SBNO1: variants seen among roughly 807,000 people sequenced by gnomAD.
SBNO1 encodes the protein protein strawberry notch homolog 1.
Under a neutral mutation model 173.6 loss-of-function variants are expected in SBNO1, and 23 were observed. That is an observed-to-expected ratio of 0.13 (90% confidence interval 0.10 to 0.19). The LOEUF is 0.19. Among genes scored for constraint, SBNO1 ranks in the 10% least tolerant of loss-of-function variants. The pLI is 1.00. For synonymous variants in SBNO1, 632 were observed against 571.5 expected, an observed-to-expected ratio of 1.11 and a Z score of -1.51; for missense variants, 1,238 against 1,671.2, an observed-to-expected ratio of 0.74 and a Z score of 4.52.
In SBNO1 at chr12:123,364,804, G is replaced by A. The variant is rs571755603; in HGVS notation, c.-104C>T. On this transcript the variant is annotated 5_prime_UTR_variant, in exon 1 of 32. Transcript: ENST00000602398. ...GGCGGCGGTGGCGGCGGCAGCAGCG[G>A]CGTCCTGCTCTGCCTACCTCCCCGC... The A allele has an allele frequency of 1.9e-5, 19 of 987,930 alleles. No homozygotes were observed. The highest frequency in any genetic ancestry group is 2.3e-5 in the Non-Finnish European group (19 of 831,570). The allele number at this position is 987,930 out of a possible 1,614,324, so 61.2% of individuals were successfully genotyped here.
At chr12:123,353,596 CTT>C (rs1874120478) in intron 1 of SBNO1, among the ~76,000 whole-genome samples, 1 of 152,072 alleles carries the variant, frequency 6.6e-6, no homozygotes. Context: ...TGCCTGATGA[CTT>C]TTGATTCAAA....
intron 3 of SBNO1, among the ~76,000 whole-genome samples, chr12:123,347,236 G>C (rs763846444): frequency 2.0e-5 from 3 of 151,750 alleles, no homozygotes; most frequent in Non-Finnish European, 4.4e-5. Context: ...TTTTGTTGTT[G>C]TTGTTGTTGA....
intron 4 of SBNO1, among the ~76,000 whole-genome samples, chr12:123,344,227 T>C (rs1428225172): frequency 3.9e-5 from 6 of 152,168 alleles, no homozygotes; most frequent in Admixed American, 3.9e-4. Flanking sequence ...GAAACTGCCC[T>C]GCACCTCAGC....
intron 1 of SBNO1, chr12:123,364,348 G>A: frequency 2.0e-6 from 2 of 985,138 alleles, no homozygotes; most frequent in Non-Finnish European, 2.4e-6. Flanking sequence ...GGAAGCCAAA[G>A]GGGCGAACCC....
At chr12:123,322,324 C>G (rs1156937734) in intron 16 of SBNO1, among the ~76,000 whole-genome samples, 2 of 151,754 alleles carry the variant, frequency 1.3e-5, no homozygotes, top group African/African-American at 4.8e-5. Context: ...CAGACAGTGT[C>G]TACTCTGTCT....
chr12:123,358,007 T>C (rs1007944942), intron 1 of SBNO1, among the ~76,000 whole-genome samples: 2 of 152,222 alleles, frequency 1.3e-5, no homozygotes, highest in African/African-American at 4.8e-5. Flanking sequence ...TTGTCTTGAT[T>C]CTCACTACAG....
chr12:123,302,409 T>C (rs1263586560), intron 30 of SBNO1, among the ~76,000 whole-genome samples: 2 of 151,852 alleles, frequency 1.3e-5, no homozygotes, highest in African/African-American at 2.4e-5. Flanking sequence ...CACCGGCTAA[T>C]TGTTTTGTAT....
intron 9 of SBNO1, 144 bp downstream of exon 9, chr12:123,330,275 G>C: frequency 1.6e-6 from 1 of 619,662 alleles, no homozygotes; most frequent in South Asian, 1.8e-5. Context: ...ACCAACAATA[G>C]TGGCTAGCAC....
chr12:123,310,668 G>A (rs2049030428), intron 25 of SBNO1, among the ~76,000 whole-genome samples: 1 of 152,054 alleles, frequency 6.6e-6, no homozygotes. Context: ...CCGAGTAGCT[G>A]GGACTACAGG....
At chr12:123,355,981 C>T (rs1874418286) in intron 1 of SBNO1, among the ~76,000 whole-genome samples, 1 of 152,040 alleles carries the variant, frequency 6.6e-6, no homozygotes, top group Non-Finnish European at 1.5e-5. Context: ...TTCAGAATAC[C>T]AACACAGAAA....
chr12:123,328,141 C>T (rs571225500), intron 10 of SBNO1, 114 bp from the exon 11 acceptor site: 7 of 775,822 alleles, frequency 9.0e-6, no homozygotes, highest in Non-Finnish European at 1.4e-5. Flanking sequence ...TATTTCATGA[C>T]TGCAAATACA....
chr12:123,350,110 G>A (rs1223013895), intron 2 of SBNO1, among the ~76,000 whole-genome samples, 200 bp downstream of exon 2: 1 of 151,922 alleles, frequency 6.6e-6, no homozygotes, highest in Non-Finnish European at 1.5e-5. Flanking sequence ...AAAAATTAGC[G>A]GGATGTGGTG....
intron 1 of SBNO1, among the ~76,000 whole-genome samples, chr12:123,356,914 T>G (rs1874525970): frequency 6.6e-6 from 1 of 152,192 alleles, no homozygotes; most frequent in Non-Finnish European, 1.5e-5. Flanking sequence ...CAAAAAGGAT[T>G]TTTTTCTCCT....
chr12:123,359,975 T>C (rs2139106842), intron 1 of SBNO1, among the ~76,000 whole-genome samples: 1 of 152,276 alleles, frequency 6.6e-6, no homozygotes, highest in Non-Finnish European at 1.5e-5. Flanking sequence ...GCATGGTAGC[T>C]CAAGCCTGTA....
chr12:123,361,137 G>A lies in SBNO1; in HGVS notation c.-1+3564C>T, dbSNP rs1406663050. Among the ~76,000 whole-genome samples the A allele has an allele frequency of 2.6e-5, 4 of 152,174 alleles. No homozygotes were observed. The East Asian group carries it at 7.8e-4, about 30-fold the overall frequency. ...CACATGCCTGTAATCCCAGCTACTT[G>A]GGAGGCTAAGGCAGGAGAATTGCTT... is the stretch of plus-strand genomic sequence containing the variant. On this transcript the variant is annotated intron_variant, in intron 1 of 31. Transcript: ENST00000602398.
intron 1 of SBNO1, among the ~76,000 whole-genome samples, chr12:123,361,879 G>A (rs1302442973): frequency 3.3e-5 from 5 of 152,126 alleles, no homozygotes; most frequent in South Asian, 2.1e-4. Flanking sequence ...GGTGGCTCAC[G>A]CCTGTAATCC....
chr12:123,345,267 T>C lies in SBNO1; in HGVS notation c.541A>G (p.Thr181Ala), dbSNP rs1289151470. 1.2e-6 allele frequency: 2 copies of C among 1,612,642 alleles called. No individual in the cohort carries two copies. Among genetic ancestry groups the C allele is most frequent in the Non-Finnish European group, 1.7e-6 (2 of 1,178,758 alleles). Residue 181 changes from threonine to alanine, a missense_variant, in exon 4 of 32, where the codon ACA (threonine) becomes GCA (alanine). Coordinates refer to ENST00000602398, the MANE Select transcript of SBNO1 (RefSeq NM_001167856.3). The part of the protein sequence containing the change: ...PPANIAQPVA[T>A]AATDVSNGTV... ...TTGAAAACAGACTTACTAGCTGCTG[T>C]TGCTACTGGCTGAGCAATATTAGCA... is the stretch of plus-strand genomic sequence containing the variant.
At chr12:123,346,450 G>T (rs1041647760) in intron 3 of SBNO1, among the ~76,000 whole-genome samples, 2 of 150,550 alleles carry the variant, frequency 1.3e-5, no homozygotes, top group South Asian at 4.2e-4. Flanking sequence ...GGATCACGAG[G>T]TCAGGAGATC....
intron 30 of SBNO1, among the ~76,000 whole-genome samples, chr12:123,300,266 G>A (rs1852180875): frequency 6.6e-6 from 1 of 152,130 alleles, no homozygotes; most frequent in South Asian, 2.1e-4. Flanking sequence ...TTGCTGTGTT[G>A]AGGAGGTTGG....
Sources: gnomAD v4.1 joint callset for allele counts (sites outside exome capture counted in the v4.1 genomes callset) on GRCh38, gnomAD v4.1.1 for gene constraint, MANE v1.5 for transcripts, NCBI Gene and HGNC (gene_info 2026-07-23, HGNC 2026-07-21) for gene names.